EEFSEC: variants seen among roughly 807,000 people sequenced by gnomAD.
EEFSEC encodes the protein eukaryotic elongation factor, selenocysteine-tRNA specific.
In EEFSEC, 43 loss-of-function variants were observed where a neutral mutation model predicts 42.1. The observed-to-expected ratio is 1.02, with a 90% CI of 0.80 to 1.32. EEFSEC has a LOEUF of 1.32. Ranked by LOEUF, EEFSEC falls within the 40% of genes most tolerant of loss-of-function variation. The pLI, the probability that EEFSEC is intolerant of heterozygous loss-of-function variation, is 0.00. For synonymous variants in EEFSEC, 354 were observed against 339.1 expected (o/e 1.04, Z -0.48); for missense variants, 745 against 803.6 (o/e 0.93, Z 0.88).
chr3:128,166,953 C>T (rs1317968024), intron 1 of EEFSEC, among the ~76,000 whole-genome samples: 1 of 152,074 alleles, frequency 6.6e-6, no homozygotes, highest in Non-Finnish European at 1.5e-5. Flanking sequence ...AAACTACTTC[C>T]CTGTGTAGAA....
intron 1 of EEFSEC, among the ~76,000 whole-genome samples, chr3:128,207,148 A>C (rs2065705568): frequency 6.6e-6 from 1 of 152,152 alleles, no homozygotes. Context: ...CTTATAAAAC[A>C]GTATTTAAAG....
At chr3:128,424,121 C>T in the EEFSEC span, among the ~76,000 whole-genome samples, 19 of 152,182 alleles carry the variant, frequency 1.2e-4, no homozygotes, top group African/African-American at 4.6e-4. Context: ...TTCCCAAAGA[C>T]ACCTGGCCCC....
At chr3:128,257,835 T>TCC (rs200262480) in intron 2 of EEFSEC, among the ~76,000 whole-genome samples, 2 of 151,382 alleles carry the variant, frequency 1.3e-5, no homozygotes, top group Admixed American at 6.6e-5. Flanking sequence ...CGTCAAGCTG[T>TCC]CCCCCCCCAG....
At chr3:128,400,692 C>G (rs1474960896) in intron 6 of EEFSEC, among the ~76,000 whole-genome samples, 1 of 152,262 alleles carries the variant, frequency 6.6e-6, no homozygotes, top group African/African-American at 2.4e-5. Context: ...GTGGAGACCC[C>G]TCTTCCAGTC....
chr3:128,160,322 A>C (rs145306653), intron 1 of EEFSEC, among the ~76,000 whole-genome samples: 130 of 152,364 alleles, frequency 8.5e-4, no homozygotes, highest in African/African-American at 2.8e-3. Context: ...AGCCTTAAAC[A>C]TGCCATTGTG....
intron 5 of EEFSEC, among the ~76,000 whole-genome samples, 196 bp downstream of exon 5, chr3:128,342,085 A>G (rs1354201185): frequency 6.6e-6 from 1 of 152,256 alleles, no homozygotes; most frequent in East Asian, 1.9e-4. Flanking sequence ...TCAGTCACAG[A>G]GCCAGGGCCA....
the EEFSEC span, among the ~76,000 whole-genome samples, chr3:128,422,937 C>T: frequency 6.6e-6 from 1 of 152,226 alleles, no homozygotes; most frequent in Non-Finnish European, 1.5e-5. Context: ...TACTAGCCCT[C>T]CCAGAGGTCA....
intron 6 of EEFSEC, among the ~76,000 whole-genome samples, chr3:128,361,159 G>A (rs1397456486): frequency 6.6e-6 from 1 of 152,138 alleles, no homozygotes; most frequent in Non-Finnish European, 1.5e-5. Context: ...GCTCTACAGG[G>A]CATCCGGGCT....
At chr3:128,405,983 G>A (rs1462603426) in intron 6 of EEFSEC, among the ~76,000 whole-genome samples, 1 of 152,216 alleles carries the variant, frequency 6.6e-6, no homozygotes, top group Admixed American at 6.5e-5. Context: ...GCAGTCTCAG[G>A]AGCCACCACC....
intron 4 of EEFSEC, among the ~76,000 whole-genome samples, chr3:128,291,255 A>C (rs1447424478): frequency 6.6e-6 from 1 of 152,108 alleles, no homozygotes; most frequent in Non-Finnish European, 1.5e-5. Context: ...ATATATTTTG[A>C]GCACATGTTG....
At position 128,190,110 on chromosome 3, in the gene EEFSEC, G is replaced by A. The variant is rs374761566; in HGVS notation, c.316+36287G>A. Reference sequence around the variant, plus strand: ...ACTCCTGAGCTCAGGCAATGCACCCGCCTCAGCCTCTCAAAGTGCTAGGAT... The same window carrying A: ...ACTCCTGAGCTCAGGCAATGCACCCACCTCAGCCTCTCAAAGTGCTAGGAT... On this transcript the variant is annotated intron_variant, in intron 1 of 6. Coordinates refer to ENST00000254730, the MANE Select transcript of EEFSEC (RefSeq NM_021937.5). 1.3e-4 allele frequency among the ~76,000 whole-genome samples: 20 copies of A among 152,172 alleles called. 1 individual carries two copies. Among genetic ancestry groups the A allele is most frequent in the Admixed American group, 8.5e-4 (13 of 15,296 alleles).
chr3:128,191,911 T>C (rs1196697755), intron 1 of EEFSEC, among the ~76,000 whole-genome samples: 1 of 152,210 alleles, frequency 6.6e-6, no homozygotes, highest in Non-Finnish European at 1.5e-5. Flanking sequence ...ATAGTGCTTC[T>C]TGAATATTGG....
chr3:128,422,112 A>G, the EEFSEC span, among the ~76,000 whole-genome samples: 1 of 151,836 alleles, frequency 6.6e-6, no homozygotes, highest in African/African-American at 2.4e-5. Flanking sequence ...CAGCCTCCAG[A>G]CCTACAGATC....
chr3:128,327,195 T>C (rs554402837), intron 4 of EEFSEC, among the ~76,000 whole-genome samples: 32 of 152,200 alleles, frequency 2.1e-4, no homozygotes, highest in Admixed American at 9.2e-4. Flanking sequence ...TGTGCTGCAC[T>C]GACCATCTTC....
intron 4 of EEFSEC, among the ~76,000 whole-genome samples, chr3:128,294,878 A>T (rs2066685331): frequency 6.6e-6 from 1 of 152,216 alleles, no homozygotes; most frequent in Non-Finnish European, 1.5e-5. Flanking sequence ...ACAGAAACAC[A>T]TCATACCTCC....
At chr3:128,238,911 ATG>A (rs2066041355) in intron 1 of EEFSEC, among the ~76,000 whole-genome samples, 1 of 152,160 alleles carries the variant, frequency 6.6e-6, no homozygotes, top group Non-Finnish European at 1.5e-5. Flanking sequence ...TCCACGTGGT[ATG>A]GCATATCCTT....
chr3:128,312,902 G>C (rs1026879354), intron 4 of EEFSEC, among the ~76,000 whole-genome samples: 8 of 152,234 alleles, frequency 5.3e-5, no homozygotes, highest in African/African-American at 1.9e-4. Flanking sequence ...TCTAGAAAGA[G>C]ATAGTTCCCT....
At chr3:128,394,292 C>A (rs966822987) in intron 6 of EEFSEC, among the ~76,000 whole-genome samples, 1 of 152,226 alleles carries the variant, frequency 6.6e-6, no homozygotes, top group Non-Finnish European at 1.5e-5. Flanking sequence ...CTTCCCCTGT[C>A]AGCAAGAGGA....
chr3:128,219,949 T>C (rs1268359003), intron 1 of EEFSEC, among the ~76,000 whole-genome samples: 1 of 152,156 alleles, frequency 6.6e-6, no homozygotes, highest in East Asian at 1.9e-4. Context: ...ATATCATGCA[T>C]GAGCAGAAAG....
Sources: allele counts gnomAD v4.1 joint callset (sites outside exome capture counted in the v4.1 genomes callset), GRCh38; gene constraint gnomAD v4.1.1; transcripts MANE v1.5; gene names NCBI Gene and HGNC (gene_info 2026-07-23, HGNC 2026-07-21).